Variants in ZNF385B observed in about 807,000 individuals in gnomAD.
ZNF385B encodes the protein zinc finger protein 533.
In ZNF385B, 23 loss-of-function variants were observed where a neutral mutation model predicts 39.2. That is an observed-to-expected ratio of 0.59 (90% CI 0.42 to 0.83). ZNF385B has a LOEUF of 0.83. Ranked by LOEUF, ZNF385B falls within the 40% of genes least tolerant of loss-of-function variation. ZNF385B has a pLI of 0.00. For missense variants in ZNF385B, 552 were observed against 598.9 expected (o/e 0.92, Z 0.82); for synonymous variants, 205 against 222.6 (o/e 0.92, Z 0.70).
At chr2:179,611,486 T>C (rs1217644163) in intron 3 of ZNF385B, among the ~76,000 whole-genome samples, 1 of 152,224 alleles carries the variant, frequency 6.6e-6, no homozygotes, top group East Asian at 1.9e-4. Context: ...TTATCAGGAA[T>C]ATTGGCCGAT....
intron 1 of ZNF385B, among the ~76,000 whole-genome samples, chr2:179,820,973 C>G (rs970642937): frequency 6.6e-6 from 1 of 152,084 alleles, no homozygotes; most frequent in South Asian, 2.1e-4. Context: ...AGAAATAATG[C>G]TAAAATTTCC....
intron 3 of ZNF385B, among the ~76,000 whole-genome samples, chr2:179,604,200 C>T (rs951852370): frequency 1.3e-5 from 2 of 152,030 alleles, no homozygotes; most frequent in Non-Finnish European, 2.9e-5. Context: ...CAGCACCTGA[C>T]CTGGTGGGAG....
At chr2:179,855,355 A>C (rs1257824913) in intron 1 of ZNF385B, among the ~76,000 whole-genome samples, 4 of 152,188 alleles carry the variant, frequency 2.6e-5, no homozygotes, top group Non-Finnish European at 5.9e-5. Flanking sequence ...TATTTCCAAA[A>C]TAAAATGCTC....
chr2:179,669,677 T>C (rs898616541), intron 3 of ZNF385B, among the ~76,000 whole-genome samples: 2 of 152,220 alleles, frequency 1.3e-5, no homozygotes, highest in African/African-American at 2.4e-5. Context: ...GAAGCTTTCA[T>C]TCACTGGTGA....
At chr2:179,745,720 A>G in intron 3 of ZNF385B, 1 of 1,543,346 alleles carries the variant, frequency 6.5e-7, no homozygotes, top group Non-Finnish European at 8.7e-7. Context: ...CACCTCTGCT[A>G]GGAAGTCCAC....
At chr2:179,782,516 T>A (rs1704731892) in intron 1 of ZNF385B, among the ~76,000 whole-genome samples, 1 of 152,144 alleles carries the variant, frequency 6.6e-6, no homozygotes, top group African/African-American at 2.4e-5. Context: ...ATAAACGGCA[T>A]CCAAATAGGA....
At chr2:179,482,894 A>G (rs1266136818) in intron 6 of ZNF385B, among the ~76,000 whole-genome samples, 4 of 152,256 alleles carry the variant, frequency 2.6e-5, no homozygotes, top group Non-Finnish European at 5.9e-5. Flanking sequence ...TCAATAAAAA[A>G]GTCTATAGTA....
intron 3 of ZNF385B, among the ~76,000 whole-genome samples, chr2:179,648,201 G>A (rs1692899496): frequency 6.6e-6 from 1 of 152,144 alleles, no homozygotes; most frequent in South Asian, 2.1e-4. Flanking sequence ...AGAGTAGGGT[G>A]CTGGCAGCCC....
chr2:179,789,072 G>A (rs1705172777), intron 1 of ZNF385B, among the ~76,000 whole-genome samples: 1 of 151,868 alleles, frequency 6.6e-6, no homozygotes, highest in Admixed American at 6.6e-5. Flanking sequence ...TGCCTCTAAT[G>A]TTACATTTGA....
chr2:179,816,913 A>T (rs1408764109), intron 1 of ZNF385B, among the ~76,000 whole-genome samples: 4 of 152,138 alleles, frequency 2.6e-5, no homozygotes, highest in Non-Finnish European at 5.9e-5. Flanking sequence ...TTTCTTCATT[A>T]GTAACAAAAT....
intron 3 of ZNF385B, among the ~76,000 whole-genome samples, chr2:179,667,480 T>C (rs1383718558): frequency 6.6e-6 from 1 of 152,200 alleles, no homozygotes; most frequent in African/African-American, 2.4e-5. Context: ...CTCTTCTACC[T>C]AATCTAACCC....
chr2:179,481,230 G>GA (rs1488497934), intron 6 of ZNF385B: 1 of 152,162 alleles, frequency 6.6e-6, no homozygotes, highest in African/African-American at 2.4e-5. Flanking sequence ...GTATTGGAAT[G>GA]AAAGCCTTGA....
chr2:179,747,562 G>A (rs192497834), intron 3 of ZNF385B, among the ~76,000 whole-genome samples: 31 of 152,114 alleles, frequency 2.0e-4, no homozygotes, highest in Admixed American at 1.8e-3. Flanking sequence ...ACTTTCCTTC[G>A]AAAATAGTCA....
intron 3 of ZNF385B, among the ~76,000 whole-genome samples, chr2:179,558,801 A>C (rs1434844456): frequency 1.3e-5 from 2 of 152,184 alleles, no homozygotes; most frequent in African/African-American, 4.8e-5. Flanking sequence ...TCAGCAAATA[A>C]GCCATTCTCA....
chr2:179,592,271 A>G (rs992525580), intron 3 of ZNF385B, among the ~76,000 whole-genome samples: 11 of 152,148 alleles, frequency 7.2e-5, no homozygotes, highest in Non-Finnish European at 1.6e-4. Flanking sequence ...AGGCAAATAT[A>G]AAGTCTATTT....
intron 3 of ZNF385B, among the ~76,000 whole-genome samples, chr2:179,640,094 A>T (rs1197476728): frequency 6.6e-6 from 1 of 152,148 alleles, no homozygotes; most frequent in Non-Finnish European, 1.5e-5. Flanking sequence ...GTTATACAGA[A>T]CAACAACAAC....
chr2:179,610,594 A>G (rs189465846), intron 3 of ZNF385B, among the ~76,000 whole-genome samples: 1 of 151,938 alleles, frequency 6.6e-6, no homozygotes, highest in Non-Finnish European at 1.5e-5. Context: ...TGTGAAGAAT[A>G]TCATTGATAT....
At chr2:179,666,203 TTTTTG>T (rs1290341080) in intron 3 of ZNF385B, among the ~76,000 whole-genome samples, 1 of 152,124 alleles carries the variant, frequency 6.6e-6, no homozygotes, top group Non-Finnish European at 1.5e-5. Context: ...TCACCATAGG[TTTTTG>T]TTTTATTTCC....
chr2:179,696,384 C>A (rs1575261027), intron 3 of ZNF385B, among the ~76,000 whole-genome samples: 1 of 91,448 alleles, frequency 1.1e-5, no homozygotes, highest in Non-Finnish European at 2.0e-5. Flanking sequence ...TTTTGACTCA[C>A]CTCTAACCTC....
Sources: gnomAD v4.1 joint callset for allele counts (sites outside exome capture counted in the v4.1 genomes callset) on GRCh38, gnomAD v4.1.1 for gene constraint, MANE v1.5 for transcripts, NCBI Gene and HGNC (gene_info 2026-07-23, HGNC 2026-07-21) for gene names.